Variants in RIMS2 observed in about 807,000 individuals in gnomAD.
The protein encoded by RIMS2 is regulating synaptic membrane exocytosis 2.
RIMS2 carries 59 observed loss-of-function variants against 174.4 expected under a neutral mutation model. That is an observed-to-expected ratio of 0.34 (90% confidence interval 0.27 to 0.42). RIMS2 has a LOEUF of 0.42. Ranked by LOEUF, RIMS2 falls within the 10% of genes least tolerant of loss-of-function variation. The pLI is 1.00. For synonymous variants in RIMS2, 606 were observed against 572.5 expected, an observed-to-expected ratio of 1.06 and a Z score of -0.84; for missense variants, 1,620 against 1,666.3, an observed-to-expected ratio of 0.97 and a Z score of 0.48.
intron 1 of RIMS2, among the ~76,000 whole-genome samples, chr8:103,592,060 G>A (rs1269672620): frequency 6.6e-6 from 1 of 151,098 alleles, no homozygotes; most frequent in Non-Finnish European, 1.5e-5. Flanking sequence ...TTATTTAGAT[G>A]TTCTTGCAGA....
chr8:104,041,368 T>G lies in RIMS2; in HGVS notation c.3334+26753T>G, dbSNP rs2096605768. ...AGGAGAAGATATGCAGGTCTGTCTC[T>G]TCTGCTTTTTTTGTTATTATTTTAT... On this transcript the variant is annotated intron_variant, in intron 19 of 23. Transcript: ENST00000504942. 3 of 687,928 alleles carry G rather than the reference T, an allele frequency of 4.4e-6. No homozygotes were observed. The highest frequency in any genetic ancestry group is 2.0e-5 in the Admixed American group (1 of 49,614). The allele number at this position is 687,928 out of a possible 1,614,324, so 42.6% of individuals were successfully genotyped here.
At chr8:104,140,732 C>T (rs997745941) in intron 19 of RIMS2, among the ~76,000 whole-genome samples, 5 of 152,162 alleles carry the variant, frequency 3.3e-5, no homozygotes, top group Non-Finnish European at 5.9e-5. Context: ...TGGGACCTAA[C>T]ACCAAGTAGA....
chr8:103,629,504 A>G (rs745693513), intron 1 of RIMS2, among the ~76,000 whole-genome samples: 1 of 152,230 alleles, frequency 6.6e-6, no homozygotes, highest in Non-Finnish European at 1.5e-5. Flanking sequence ...AAAATAAGCT[A>G]AGAAATGTAT....
At chr8:103,627,472 A>G (rs569029853) in intron 1 of RIMS2, among the ~76,000 whole-genome samples, 1 of 152,370 alleles carries the variant, frequency 6.6e-6, no homozygotes, top group Admixed American at 6.5e-5. Context: ...AAAGACAGGC[A>G]TAAGAAATTA....
chr8:104,102,974 A>T (rs2131206966), intron 19 of RIMS2, among the ~76,000 whole-genome samples: 1 of 152,346 alleles, frequency 6.6e-6, no homozygotes, highest in Non-Finnish European at 1.5e-5. Context: ...TTGTGAAAAC[A>T]TCAGAGAAAA....
chr8:103,587,409 GAAGAAAGAAAGAAAGA>G (rs201019003), intron 1 of RIMS2, among the ~76,000 whole-genome samples: 1,462 of 117,140 alleles, frequency 0.012, 19 homozygotes, highest in African/African-American at 0.028. Context: ...GAAGAAAAAA[GAAGAAAGAAAGAAAGA>G]AAGAAAGAAA....
At chr8:103,556,233 G>A (rs1239086824) in intron 1 of RIMS2, among the ~76,000 whole-genome samples, 2 of 152,086 alleles carry the variant, frequency 1.3e-5, no homozygotes, top group Admixed American at 6.6e-5. Context: ...TAATGCATTT[G>A]TTTTATATAT....
chr8:104,248,699 A>G lies in RIMS2; in HGVS notation c.3477-2A>G. ...TAATCTCATATGTTATTTTGCTTTC[A>G]GTCTGATTTTCCCTGGTGTTCGCTT... On this transcript the variant is annotated splice_acceptor_variant, in intron 20 of 23. Transcript: ENST00000504942. LOFTEE classifies it high-confidence loss of function. 1.3e-6 allele frequency: 2 copies of G among 1,544,068 alleles called. No homozygotes were observed. The highest frequency in any genetic ancestry group is 1.8e-6 in the Non-Finnish European group (2 of 1,116,120).
chr8:104,074,565 G>A (rs972197127), intron 19 of RIMS2, among the ~76,000 whole-genome samples: 2 of 152,160 alleles, frequency 1.3e-5, no homozygotes, highest in Non-Finnish European at 2.9e-5. Flanking sequence ...ATTGATTTTA[G>A]TGTGGCTCAG....
chr8:104,105,971 G>A (rs531034609), intron 19 of RIMS2, among the ~76,000 whole-genome samples: 6 of 142,328 alleles, frequency 4.2e-5, no homozygotes, highest in East Asian at 2.2e-4. Context: ...ACTGGGAGGC[G>A]GAGGTTGCAG....
intron 19 of RIMS2, among the ~76,000 whole-genome samples, chr8:104,086,845 T>C (rs1274080215): frequency 6.6e-6 from 1 of 152,104 alleles, no homozygotes; most frequent in African/African-American, 2.4e-5. Context: ...AGTAAATATT[T>C]ATTGTCCCTT....
chr8:103,983,229 G>A (rs1393838935), intron 16 of RIMS2, among the ~76,000 whole-genome samples: 3 of 152,044 alleles, frequency 2.0e-5, no homozygotes, highest in South Asian at 2.1e-4. Context: ...TAAAACATTG[G>A]CGCAAGAAAT....
chr8:103,985,348 C>T (rs1422141995), intron 16 of RIMS2, among the ~76,000 whole-genome samples: 2 of 151,490 alleles, frequency 1.3e-5, no homozygotes, highest in Non-Finnish European at 2.9e-5. Context: ...GTGGTGCGCG[C>T]CTGTAGTCCC....
intron 14 of RIMS2, among the ~76,000 whole-genome samples, chr8:103,955,052 GA>G (rs1174270251): frequency 6.6e-6 from 1 of 152,054 alleles, no homozygotes; most frequent in Non-Finnish European, 1.5e-5. Context: ...TAACCTAGAA[GA>G]AGTCAAATCC....
intron 1 of RIMS2, among the ~76,000 whole-genome samples, chr8:103,602,551 T>C (rs2094811392): frequency 6.6e-6 from 1 of 152,216 alleles, no homozygotes. Context: ...AGTGAGAACA[T>C]GCAGTATTTG....
intron 7 of RIMS2, among the ~76,000 whole-genome samples, chr8:103,916,014 A>G (rs902220788): frequency 6.6e-6 from 1 of 152,000 alleles, no homozygotes; most frequent in African/African-American, 2.4e-5. Context: ...TATACTAATT[A>G]TTAAGGTTTT....
intron 19 of RIMS2, among the ~76,000 whole-genome samples, chr8:104,108,873 T>C (rs2098125572): frequency 6.6e-6 from 1 of 152,156 alleles, no homozygotes; most frequent in South Asian, 2.1e-4. Flanking sequence ...ACCTGTCATA[T>C]ATAGAGACTT....
intron 3 of RIMS2, among the ~76,000 whole-genome samples, chr8:103,827,900 C>CAA (rs543481656): frequency 7.0e-5 from 10 of 143,052 alleles, no homozygotes; most frequent in African/African-American, 1.5e-4. Flanking sequence ...CACTCCATCT[C>CAA]AAAAAAAAAA....
At chr8:103,971,016 G>A (rs1240626267) in intron 15 of RIMS2, among the ~76,000 whole-genome samples, 1 of 152,176 alleles carries the variant, frequency 6.6e-6, no homozygotes, top group African/African-American at 2.4e-5. Context: ...TAGGCATGGA[G>A]TTTTCCCCCC....
Sources: gnomAD v4.1 joint callset for allele counts (sites outside exome capture counted in the v4.1 genomes callset) on GRCh38, gnomAD v4.1.1 for gene constraint, MANE v1.5 for transcripts, NCBI Gene and HGNC (gene_info 2026-07-23, HGNC 2026-07-21) for gene names.